GRIK2: variants seen among roughly 807,000 people sequenced by gnomAD.
The protein encoded by GRIK2 is glutamate receptor ionotropic, kainate 2.
A neutral mutation model predicts 100.3 loss-of-function variants in GRIK2; 32 were observed. The observed-to-expected ratio is 0.32, with a 90% CI of 0.24 to 0.43. The LOEUF (loss-of-function observed/expected upper bound fraction) is 0.43. Among genes scored for constraint, GRIK2 ranks in the 20% least tolerant of loss-of-function variants. The probability of loss-of-function intolerance (pLI) is 1.00; values close to 1 mark genes in which losing one functional copy is unlikely to be tolerated. For synonymous variants in GRIK2, 417 were observed against 389.4 expected (o/e 1.07, Z -0.83); for missense variants, 843 against 1,114.9 (o/e 0.76, Z 3.47).
At chr6:102,030,516 C>A (rs905731420) in intron 14 of GRIK2, among the ~76,000 whole-genome samples, 1 of 151,028 alleles carries the variant, frequency 6.6e-6, no homozygotes, top group Non-Finnish European at 1.5e-5. Context: ...CCTCAATTAG[C>A]CCTTGCTAAA....
At chr6:101,543,106 A>T (rs1169265808) in intron 2 of GRIK2, among the ~76,000 whole-genome samples, 2 of 152,146 alleles carry the variant, frequency 1.3e-5, no homozygotes, top group African/African-American at 4.8e-5. Context: ...CAAGCAAACA[A>T]AAAAAGGACA....
chr6:101,474,419 C>G (rs1772119222), intron 2 of GRIK2, among the ~76,000 whole-genome samples: 1 of 151,744 alleles, frequency 6.6e-6, no homozygotes, highest in Admixed American at 6.6e-5. Context: ...TAGGGAAAAG[C>G]TTTAACACAT....
In GRIK2 at chr6:101,734,201, A is replaced by C. The variant is rs775845946; in HGVS notation, c.951+47848A>C. Among the ~76,000 whole-genome samples, 29 of 152,174 alleles carry C rather than the reference A, an allele frequency of 1.9e-4. 1 individual carries two copies. Among genetic ancestry groups the C allele is most frequent in the Non-Finnish European group, 3.8e-4 (26 of 68,042 alleles). On this transcript the variant is annotated intron_variant, in intron 7 of 16. Transcript: ENST00000369134. ...TACCAACAGATAATATAGTACAAGAAACTGACTCAAGCAATTATGGAGACT... is the reference window on the plus strand; with the variant it reads ...TACCAACAGATAATATAGTACAAGACACTGACTCAAGCAATTATGGAGACT...
intron 14 of GRIK2, among the ~76,000 whole-genome samples, chr6:101,939,730 A>T (rs1238840893): frequency 6.6e-6 from 1 of 152,140 alleles, no homozygotes; most frequent in Non-Finnish European, 1.5e-5. Context: ...ATATCAATTC[A>T]CATTCTTCAA....
At chr6:101,456,131 TTA>T (rs1770999783) in intron 2 of GRIK2, among the ~76,000 whole-genome samples, 1 of 150,706 alleles carries the variant, frequency 6.6e-6, no homozygotes, top group African/African-American at 2.4e-5. Context: ...TTTTTTTTTT[TTA>T]AAAAAAGAGA....
intron 4 of GRIK2, among the ~76,000 whole-genome samples, chr6:101,639,962 A>C (rs1349255060): frequency 6.6e-6 from 1 of 152,188 alleles, no homozygotes; most frequent in Non-Finnish European, 1.5e-5. Flanking sequence ...ACAAACCCTA[A>C]TGAAAATACA....
chr6:101,891,328 C>A (rs997340210), intron 12 of GRIK2, among the ~76,000 whole-genome samples: 1 of 151,628 alleles, frequency 6.6e-6, no homozygotes, highest in Non-Finnish European at 1.5e-5. Context: ...ACCATCCTGG[C>A]CAAAATGGTG....
At chr6:101,400,846 C>A (rs1017378166) in intron 2 of GRIK2, among the ~76,000 whole-genome samples, 3 of 152,174 alleles carry the variant, frequency 2.0e-5, no homozygotes, top group Non-Finnish European at 4.4e-5. Context: ...AGCTGGATTC[C>A]CACTGTAGTA....
At chr6:101,526,596 A>G (rs936241194) in intron 2 of GRIK2, among the ~76,000 whole-genome samples, 1 of 152,162 alleles carries the variant, frequency 6.6e-6, no homozygotes, top group Non-Finnish European at 1.5e-5. Context: ...GTAGCTGATG[A>G]AGTTTCATTT....
intron 15 of GRIK2, among the ~76,000 whole-genome samples, chr6:102,047,165 C>G (rs992898663): frequency 2.6e-5 from 4 of 151,884 alleles, no homozygotes; most frequent in Non-Finnish European, 4.4e-5. Context: ...AAAGGAAGAA[C>G]AAACTAAACC....
intron 14 of GRIK2, among the ~76,000 whole-genome samples, chr6:101,963,119 C>T (rs1336037549): frequency 6.6e-6 from 1 of 150,982 alleles, no homozygotes; most frequent in African/African-American, 2.4e-5. Flanking sequence ...CTCTTTTGTC[C>T]TCTCTCCTTT....
Position 102,067,126 on chromosome 6 carries a change from T to TTTTAAG in GRIK2, c.2563-1218_2563-1213dup, listed in dbSNP as rs551015713. On this transcript the variant is annotated intron_variant, in intron 16 of 16. Coordinates refer to ENST00000369134, the MANE Select transcript of GRIK2 (RefSeq NM_021956.5). Reference sequence around the variant, plus strand: ...TATGAAAACAATTTTTTAAATGTATTTTTAAGTTAACATATAAAATTGTAT... The same window carrying TTTTAAG: ...TATGAAAACAATTTTTTAAATGTATTTTTAAGTTTAAGTTAACATATAAAATTGTAT... Among the ~76,000 whole-genome samples, 356 of 151,878 alleles carry TTTTAAG rather than the reference T, an allele frequency of 2.3e-3. 4 individuals are homozygous for TTTTAAG. Among genetic ancestry groups the TTTTAAG allele is most frequent in the African/African-American group, 8.0e-3 (334 of 41,498 alleles).
Position 101,626,496 on chromosome 6 carries a change from T to G in GRIK2, c.400T>G (p.Trp134Gly). 1 of 1,614,042 alleles carries G rather than the reference T, an allele frequency of 6.2e-7. No homozygotes were observed. Among genetic ancestry groups the G allele is most frequent in the Non-Finnish European group, 8.5e-7 (1 of 1,179,958 alleles). Residue 134 changes from tryptophan to glycine, a missense_variant, in exon 4 of 17, where the codon TGG becomes GGG. Transcript: ENST00000369134. ...ALGVPHIQTRWKHQVSDNKDS... is the reference protein window; with the variant it reads ...ALGVPHIQTRGKHQVSDNKDS... Reference sequence around the variant, plus strand: ...GGGAGTTCCCCACATACAGACCCGCTGGAAGCACCAGGTGTCAGACAACAA... The same window carrying G: ...GGGAGTTCCCCACATACAGACCCGCGGGAAGCACCAGGTGTCAGACAACAA...
At chr6:101,431,450 T>A (rs1403855392) in intron 2 of GRIK2, 1 of 152,314 alleles carries the variant, frequency 6.6e-6, no homozygotes, top group Admixed American at 6.5e-5. Flanking sequence ...GAGGGGAACA[T>A]GGCTTGGGGG....
chr6:101,422,509 G>A (rs945718432), intron 2 of GRIK2, among the ~76,000 whole-genome samples: 2 of 152,054 alleles, frequency 1.3e-5, no homozygotes, highest in Non-Finnish European at 2.9e-5. Context: ...TTATGGTTCT[G>A]ATTCCCAATG....
chr6:101,959,431 C>T (rs566225215), intron 14 of GRIK2, among the ~76,000 whole-genome samples: 6 of 152,170 alleles, frequency 3.9e-5, no homozygotes, highest in African/African-American at 1.4e-4. Flanking sequence ...CACTTGTAGT[C>T]ACACCTTTAT....
chr6:101,678,864 CTGAT>C (rs1771036374), intron 5 of GRIK2, among the ~76,000 whole-genome samples: 1 of 152,280 alleles, frequency 6.6e-6, no homozygotes, highest in South Asian at 2.1e-4. Context: ...TTTATTTAAA[CTGAT>C]TGAGCTTTTA....
At position 101,880,167 on chromosome 6, in the gene GRIK2, G is replaced by A. The variant is rs1010428246; in HGVS notation, c.1525-9473G>A. Among the ~76,000 whole-genome samples the A allele has an allele frequency of 2.3e-4, 35 of 152,162 alleles. 1 individual carries two copies. The highest frequency in any genetic ancestry group is 7.8e-4 in the East Asian group (4 of 5,160). ...TATGTCTAGCTATGATCCTTGAGTT[G>A]TTTCCAGTGACCTGAATATTTGGTT... On this transcript the variant is annotated intron_variant, in intron 11 of 16. Coordinates refer to ENST00000369134, the MANE Select transcript of GRIK2 (RefSeq NM_021956.5).
chr6:101,553,873 C>T lies in GRIK2; in HGVS notation c.116-68076C>T, dbSNP rs144235012. 1.4e-4 allele frequency among the ~76,000 whole-genome samples: 22 copies of T among 152,264 alleles called. No homozygotes were observed. The East Asian group carries it at 2.7e-3, about 19-fold the overall frequency. On this transcript the variant is annotated intron_variant, in intron 2 of 16. Transcript: ENST00000369134. ...ATGTACCTTTATCCTTATCAGGAGA[C>T]GCCTTGAATCACAGTACTCACTTTG...
Sources: gnomAD v4.1 joint callset for allele counts (sites outside exome capture counted in the v4.1 genomes callset) on GRCh38, gnomAD v4.1.1 for gene constraint, MANE v1.5 for transcripts, NCBI Gene and HGNC (gene_info 2026-07-23, HGNC 2026-07-21) for gene names.